Variants in ZPBP observed in about 807,000 individuals in gnomAD.
ZPBP encodes zona pellucida-binding protein 1.
Under a neutral mutation model 44.8 loss-of-function variants are expected in ZPBP, and 26 were observed. The observed-to-expected ratio is 0.58, with a 90% CI of 0.43 to 0.81. ZPBP has a LOEUF of 0.81. Ranked by LOEUF, ZPBP falls within the 30% of genes least tolerant of loss-of-function variation. The pLI, the probability that ZPBP is intolerant of heterozygous loss-of-function variation, is 0.00. For synonymous variants in ZPBP, 174 were observed against 153.2 expected (o/e 1.14, Z -1.00); for missense variants, 409 against 434.0 (o/e 0.94, Z 0.51).
chr7:49,941,428 G>A (rs77818638), intron 7 of ZPBP, among the ~76,000 whole-genome samples: 4,706 of 152,186 alleles, frequency 0.031, 96 homozygotes, highest in Middle Eastern at 0.061. Context: ...AAAAGTGTTA[G>A]ATCTGATAAA....
chr7:50,058,035 A>G lies in ZPBP; in HGVS notation c.441T>C (p.Thr147=). Residue 147 remains threonine (T), a synonymous_variant, in exon 4 of 8, where the codon ACT becomes ACC. Transcript: ENST00000046087. The part of the protein sequence containing the change: ...IYTCFLEYKP[T]VEEIVKRLQL... ...GAAGACGTTTAACAATTTCTTCCAC[A>G]GTAGGTTTATATTCGAGGAAACATG... is the stretch of plus-strand genomic sequence containing the variant. 1.2e-6 allele frequency: 2 copies of G among 1,613,352 alleles called. No homozygotes were observed. Among genetic ancestry groups the G allele is most frequent in the African/African-American group, 1.3e-5 (1 of 75,048 alleles).
At chr7:49,994,849 T>A (rs975756673) in intron 6 of ZPBP, among the ~76,000 whole-genome samples, 2 of 152,186 alleles carry the variant, frequency 1.3e-5, no homozygotes, top group Non-Finnish European at 2.9e-5. Flanking sequence ...TTTCTCTTGT[T>A]CTGGGCCCAT....
chr7:50,086,603 A>G (rs977904644), intron 2 of ZPBP, among the ~76,000 whole-genome samples: 4 of 152,064 alleles, frequency 2.6e-5, no homozygotes, highest in African/African-American at 9.7e-5. Flanking sequence ...TAGCAAACTG[A>G]GAAGGCAGAA....
At chr7:50,082,962 A>AT (rs1802445197) in intron 2 of ZPBP, among the ~76,000 whole-genome samples, 1 of 151,758 alleles carries the variant, frequency 6.6e-6, no homozygotes, top group South Asian at 2.1e-4. Flanking sequence ...TCTTTTGCAT[A>AT]TATCTCACTA....
At chr7:49,894,336 TG>T (rs1792273877) in intron 2 of ZPBP, among the ~76,000 whole-genome samples, 1 of 152,102 alleles carries the variant, frequency 6.6e-6, no homozygotes, top group Non-Finnish European at 1.5e-5. Flanking sequence ...TTGTATTTTT[TG>T]TAGAGACGGG....
At position 49,892,947 on chromosome 7, in the gene ZPBP, A is replaced by G. The variant is rs2128731284; in HGVS notation, n.509+8171T>C. On this transcript the variant is annotated intron_variant and non_coding_transcript_variant, in intron 2 of 2. Coordinates refer to the ZPBP transcript ENST00000465922. Reference sequence around the variant, plus strand: ...AAGGTTCTGAAAAGATCTTCAATGAAGAATCCTCACTTAAGTTGTTTAATG... The same window carrying G: ...AAGGTTCTGAAAAGATCTTCAATGAGGAATCCTCACTTAAGTTGTTTAATG... Among the ~76,000 whole-genome samples, 5 of 68,070 alleles carry G rather than the reference A, an allele frequency of 7.3e-5. No homozygotes were observed. In the South Asian group the frequency reaches 2.1e-3, roughly 29 times the overall value. 44.7% of individuals were successfully genotyped at this position (68,070 alleles called of 152,430 possible). A position where few individuals can be genotyped will look rare whatever the true frequency, so the allele number is the denominator to read the frequency against.
chr7:49,932,509 T>C (rs1330496056), downstream of ZPBP, among the ~76,000 whole-genome samples: 1 of 152,194 alleles, frequency 6.6e-6, no homozygotes, highest in East Asian at 1.9e-4. Context: ...ATTTCTCCCA[T>C]TAGGAATGGG....
At chr7:49,840,965 C>T in the ZPBP span, among the ~76,000 whole-genome samples, 1 of 152,158 alleles carries the variant, frequency 6.6e-6, no homozygotes, top group Non-Finnish European at 1.5e-5. Flanking sequence ...AAAGAACAGA[C>T]TCAGATGGTG....
intron 4 of ZPBP, among the ~76,000 whole-genome samples, chr7:50,035,116 CT>C (rs892692063): frequency 6.6e-6 from 1 of 152,206 alleles, no homozygotes; most frequent in African/African-American, 2.4e-5. Flanking sequence ...ATTTTCTAAT[CT>C]TTTAGAAGAC....
At chr7:49,866,955 C>G (rs1345799686) in intron 2 of ZPBP, among the ~76,000 whole-genome samples, 1 of 152,184 alleles carries the variant, frequency 6.6e-6, no homozygotes, top group Non-Finnish European at 1.5e-5. Context: ...CAGAAGCCCA[C>G]CTGTGTCCTC....
intron 7 of ZPBP, among the ~76,000 whole-genome samples, chr7:49,973,969 G>A (rs1486160990): frequency 6.6e-6 from 1 of 151,964 alleles, no homozygotes; most frequent in East Asian, 1.9e-4. Flanking sequence ...CTACCTTAAG[G>A]AATTTAGTTC....
intron 2 of ZPBP, among the ~76,000 whole-genome samples, chr7:49,870,893 T>C (rs1303162759): frequency 6.6e-6 from 1 of 152,146 alleles, no homozygotes; most frequent in Non-Finnish European, 1.5e-5. Context: ...ACAGGTGAAC[T>C]CCATAGAACC....
intron 1 of ZPBP, among the ~76,000 whole-genome samples, chr7:50,089,936 TTAGAA>T (rs1265007908): frequency 2.0e-5 from 3 of 152,108 alleles, no homozygotes; most frequent in African/African-American, 4.8e-5. Flanking sequence ...CTAAAGCCAT[TTAGAA>T]TAATCTCTTC....
At chr7:49,877,996 T>C (rs1368156520) in intron 2 of ZPBP, among the ~76,000 whole-genome samples, 1 of 152,118 alleles carries the variant, frequency 6.6e-6, no homozygotes, top group Non-Finnish European at 1.5e-5. Context: ...TTTCTTGATA[T>C]CTTTGGATGA....
At chr7:50,026,896 A>G (rs1348755199) in intron 5 of ZPBP, among the ~76,000 whole-genome samples, 2 of 151,970 alleles carry the variant, frequency 1.3e-5, no homozygotes, top group Non-Finnish European at 2.9e-5. Context: ...GCAACTGCAG[A>G]CCTTAAGCCA....
chr7:49,937,734 C>A (rs767547186), intron 7 of ZPBP, 112 bp from the exon 8 acceptor site: 2 of 841,212 alleles, frequency 2.4e-6, no homozygotes, highest in Admixed American at 2.1e-5. Context: ...CATATTCACA[C>A]TGTTGTGCAA....
chr7:49,899,576 A>G (rs935047724), intron 2 of ZPBP, among the ~76,000 whole-genome samples: 5 of 151,996 alleles, frequency 3.3e-5, no homozygotes, highest in Non-Finnish European at 5.9e-5. Context: ...TATCAGCCAG[A>G]GGGAGGTATT....
chr7:50,027,455 G>C (rs1434354287), intron 5 of ZPBP, among the ~76,000 whole-genome samples: 1 of 152,082 alleles, frequency 6.6e-6, no homozygotes, highest in East Asian at 1.9e-4. Flanking sequence ...CAAAAAGTAT[G>C]GGTTGCAGTT....
intron 2 of ZPBP, among the ~76,000 whole-genome samples, chr7:49,894,080 T>C (rs990667282): frequency 1.3e-5 from 2 of 152,176 alleles, no homozygotes; most frequent in Admixed American, 6.5e-5. Context: ...TAGACACCTA[T>C]GTGTGTCGTT....
Sources: gnomAD v4.1 joint callset for allele counts (sites outside exome capture counted in the v4.1 genomes callset) on GRCh38, gnomAD v4.1.1 for gene constraint, MANE v1.5 for transcripts, NCBI Gene and HGNC (gene_info 2026-07-23, HGNC 2026-07-21) for gene names.